Variants in PLGRKT observed in about 807,000 individuals in gnomAD.
The protein encoded by PLGRKT is plasminogen receptor with a C-terminal lysine.
In PLGRKT, 22 loss-of-function variants were observed where a neutral mutation model predicts 18.5. That is an observed-to-expected ratio of 1.19 (90% CI 0.85 to 1.70). The LOEUF is 1.70. Among genes scored for constraint, PLGRKT ranks in the 40% most tolerant of loss-of-function variants. PLGRKT has a pLI of 0.00. For missense variants in PLGRKT, 235 were observed against 174.4 expected, an observed-to-expected ratio of 1.35 and a Z score of -1.96; for synonymous variants, 72 against 52.8, an observed-to-expected ratio of 1.36 and a Z score of -1.58.
Position 5,401,292 on chromosome 9 carries a change from G to C in PLGRKT, c.81+30605C>G, listed in dbSNP as rs189557712. Among the ~76,000 whole-genome samples the C allele has an allele frequency of 1.7e-4, 24 of 137,554 alleles. 1 individual carries two copies. The highest frequency in any genetic ancestry group is 6.5e-4 in the African/African-American group (22 of 33,608). 90.2% of individuals were successfully genotyped at this position (137,554 alleles called of 152,430 possible). ...AACAAGAATTTTAAATATAGGACGG[G>C]CTAGAAAAAAATATGTAGATTAGGT... On this transcript the variant is annotated intron_variant, in intron 3 of 5. Transcript: ENST00000223864.
intron 3 of PLGRKT, among the ~76,000 whole-genome samples, chr9:5,377,781 G>A (rs1211356616): frequency 1.3e-5 from 2 of 152,140 alleles, no homozygotes; most frequent in African/African-American, 2.4e-5. Flanking sequence ...GGCAGTGTTT[G>A]TCCCCAGCCA....
intron 3 of PLGRKT, among the ~76,000 whole-genome samples, chr9:5,364,318 G>T (rs929154919): frequency 2.0e-5 from 3 of 152,148 alleles, no homozygotes; most frequent in Non-Finnish European, 4.4e-5. Context: ...TCCCACAAAA[G>T]ATCAACCTGA....
intron 3 of PLGRKT, among the ~76,000 whole-genome samples, chr9:5,369,201 C>A (rs1408430425): frequency 6.6e-6 from 1 of 152,176 alleles, no homozygotes; most frequent in East Asian, 1.9e-4. Context: ...TTTTTGCAAT[C>A]TACTCCTCTC....
At chr9:5,380,986 C>T (rs1001025129) in intron 3 of PLGRKT, among the ~76,000 whole-genome samples, 3 of 152,160 alleles carry the variant, frequency 2.0e-5, no homozygotes, top group African/African-American at 7.2e-5. Context: ...GTGGCACTTC[C>T]CCCTTTCTCT....
chr9:5,364,338 C>G (rs540192533), intron 3 of PLGRKT, among the ~76,000 whole-genome samples: 2 of 152,130 alleles, frequency 1.3e-5, no homozygotes, highest in African/African-American at 2.4e-5. Flanking sequence ...AGATATCAAC[C>G]TGAAAGAGAT....
chr9:5,376,019 T>A (rs556733406), intron 3 of PLGRKT, among the ~76,000 whole-genome samples: 57 of 152,240 alleles, frequency 3.7e-4, no homozygotes, highest in African/African-American at 1.4e-3. Context: ...TATTCAGCCA[T>A]AAAAAGGAAG....
intron 3 of PLGRKT, among the ~76,000 whole-genome samples, chr9:5,420,196 A>G (rs1818547981): frequency 6.6e-6 from 1 of 152,242 alleles, no homozygotes. Flanking sequence ...CAGAAAGCAG[A>G]TGAGTGGTTG....
intron 3 of PLGRKT, among the ~76,000 whole-genome samples, chr9:5,414,156 T>A (rs1365264231): frequency 4.6e-5 from 7 of 152,070 alleles, no homozygotes; most frequent in Non-Finnish European, 1.0e-4. Flanking sequence ...GGAAGAACAT[T>A]TCTTGGAGTG....
At chr9:5,405,059 TA>T (rs955281410) in intron 3 of PLGRKT, among the ~76,000 whole-genome samples, 99 of 152,228 alleles carry the variant, frequency 6.5e-4, no homozygotes, top group African/African-American at 2.3e-3. Context: ...TGCCTAGGAA[TA>T]CAGCTAACAA....
chr9:5,361,432 C>G (rs550534723), intron 4 of PLGRKT, among the ~76,000 whole-genome samples: 1 of 152,226 alleles, frequency 6.6e-6, no homozygotes, highest in East Asian at 1.9e-4. Context: ...AGCTCAGGTT[C>G]CTTGTTTTTA....
intron 3 of PLGRKT, among the ~76,000 whole-genome samples, chr9:5,417,721 C>T (rs937586362): frequency 4.0e-5 from 6 of 148,980 alleles, no homozygotes; most frequent in East Asian, 3.9e-4. Flanking sequence ...TTAATAAACA[C>T]GTAGGATCTC....
rs372294293 is a variant in PLGRKT, at chr9:5,390,625, A to C, written c.82-28737T>G. ...GGAGCCAGAGAGACCCAGATCTTTA[A>C]CTCAGGCTCCTTCAGGTAATCATTG... On this transcript the variant is annotated intron_variant, in intron 3 of 5. Coordinates refer to ENST00000223864, the MANE Select transcript of PLGRKT (RefSeq NM_018465.4). Among the ~76,000 whole-genome samples, 14 of 151,970 alleles carry C rather than the reference A, an allele frequency of 9.2e-5. 1 individual carries two copies. The East Asian group carries it at 1.2e-3, about 13-fold the overall frequency.
chr9:5,435,886 C>T (rs2131186494), intron 2 of PLGRKT, among the ~76,000 whole-genome samples: 1 of 152,308 alleles, frequency 6.6e-6, no homozygotes, highest in South Asian at 2.1e-4. Context: ...AATGGGGTTC[C>T]AGGTGAGTGG....
chr9:5,376,512 A>G (rs1250898200), intron 3 of PLGRKT, among the ~76,000 whole-genome samples: 4 of 152,178 alleles, frequency 2.6e-5, no homozygotes, highest in African/African-American at 9.7e-5. Flanking sequence ...AAGTAGTACA[A>G]CCCTATGGCT....
chr9:5,396,549 C>T (rs1438921976), intron 3 of PLGRKT, among the ~76,000 whole-genome samples: 1 of 151,948 alleles, frequency 6.6e-6, no homozygotes, highest in African/African-American at 2.4e-5. Context: ...CCCACCTCAG[C>T]CTCGCAAAGT....
intron 3 of PLGRKT, chr9:5,392,227 T>C (rs1817963134): frequency 6.6e-6 from 1 of 151,896 alleles, no homozygotes; most frequent in South Asian, 2.1e-4. Flanking sequence ...CAAATGGGTA[T>C]TTGTCAAGTT....
intron 3 of PLGRKT, among the ~76,000 whole-genome samples, chr9:5,375,436 C>T (rs1245370074): frequency 6.6e-6 from 1 of 152,026 alleles, no homozygotes; most frequent in Non-Finnish European, 1.5e-5. Flanking sequence ...AATTAGTGTG[C>T]CCAGTATCAA....
chr9:5,378,138 A>C (rs2131088221), intron 3 of PLGRKT, among the ~76,000 whole-genome samples: 1 of 152,318 alleles, frequency 6.6e-6, no homozygotes, highest in South Asian at 2.1e-4. Context: ...TTCATCATAC[A>C]TTTGAACAGG....
intron 3 of PLGRKT, among the ~76,000 whole-genome samples, chr9:5,372,565 A>T (rs928526134): frequency 1.3e-5 from 2 of 152,206 alleles, no homozygotes; most frequent in Non-Finnish European, 2.9e-5. Flanking sequence ...TTCAGCCAGA[A>T]CGTGGGATTC....
Sources: allele counts gnomAD v4.1 joint callset (sites outside exome capture counted in the v4.1 genomes callset), GRCh38; gene constraint gnomAD v4.1.1; transcripts MANE v1.5; gene names NCBI Gene and HGNC (gene_info 2026-07-23, HGNC 2026-07-21).